CCDC177: variants seen among roughly 807,000 people sequenced by gnomAD.
CCDC177 encodes the protein coiled-coil domain-containing protein 177.
In CCDC177, 2 loss-of-function variants were observed where a neutral mutation model predicts 7.3. The observed-to-expected ratio is 0.28, with a 90% confidence interval of 0.11 to 0.87. The LOEUF is 0.87. Ranked by LOEUF, CCDC177 falls within the 40% of genes least tolerant of loss-of-function variation. CCDC177 has a pLI of 0.61. For synonymous variants in CCDC177, 401 were observed against 449.2 expected (o/e 0.89, Z 1.36); for missense variants, 874 against 970.5 (o/e 0.90, Z 1.32).
rs951970978 is a variant in CCDC177 at position 69,573,647 on chromosome 14, A to T, written c.-25T>A. 2.4e-6 allele frequency: 3 copies of T among 1,231,562 alleles called. No individual in the cohort carries two copies. In the African/African-American group the frequency reaches 4.7e-5, roughly 19 times the overall value. 76.3% of individuals were successfully genotyped at this position (1,231,562 alleles called of 1,614,324 possible). ...TGGCTGAGCCCCGTCCTTTGTTGGA[A>T]TCTCTGCAGATCACAAGGAGGGACA... On this transcript the variant is annotated 5_prime_UTR_variant, in exon 2 of 2. Coordinates refer to ENST00000599174, the MANE Select transcript of CCDC177 (RefSeq NM_001271507.2).
At position 69,572,706 on chromosome 14, in the gene CCDC177, C is replaced by A. The variant is rs1884355920; in HGVS notation, c.917G>T (p.Gly306Val). 4.1e-6 allele frequency: 5 copies of A among 1,231,474 alleles called. No individual in the cohort carries two copies. In the African/African-American group the frequency reaches 4.6e-5, roughly 11 times the overall value. 76.3% of individuals were successfully genotyped at this position (1,231,474 alleles called of 1,614,324 possible). A position where few individuals can be genotyped will look rare whatever the true frequency, so the allele number is the denominator to read the frequency against. Reference protein sequence around the residue: ...VPITGRSFSLGDLSHSPQTAQ... With the variant: ...VPITGRSFSLVDLSHSPQTAQ... ...GGTCTGCGGCGAATGGCTCAGGTCG[C>A]CGAGGCTGAAGCTGCGGCCGGTGAT... is the stretch of plus-strand genomic sequence containing the variant. Residue 306 changes from glycine (G) to valine (V), a missense_variant, in exon 2 of 2, where the codon GGC becomes GTC. Gly to Val is a moderately radical substitution (Grantham distance 109). Transcript: ENST00000599174.
At chr14:69,573,713 A>G (rs1884383699) in intron 1 of CCDC177, 63 bp from the exon 2 acceptor site, 2 of 1,209,452 alleles carry the variant, frequency 1.7e-6, no homozygotes, top group African/African-American at 1.6e-5. Context: ...CTCCTCATCC[A>G]TAGTCACCCC....
At position 69,570,939 on chromosome 14, in the gene CCDC177, A is replaced by T; in HGVS notation, c.*560T>A. ...AGGTGGCCGATTAAAAGGTCTAAAAAATCAACTGCTTTTTGGATCATTTGG... is the reference window on the plus strand; with the variant it reads ...AGGTGGCCGATTAAAAGGTCTAAAATATCAACTGCTTTTTGGATCATTTGG... On this transcript the variant is annotated 3_prime_UTR_variant, in exon 2 of 2. Coordinates refer to ENST00000599174, the MANE Select transcript of CCDC177 (RefSeq NM_001271507.2). 2.2e-6 allele frequency: 1 copy of T among 458,192 alleles called. No individual in the cohort carries two copies. Among genetic ancestry groups the T allele is most frequent in the Non-Finnish European group, 4.4e-6 (1 of 227,222 alleles). The allele number at this position is 458,192 out of a possible 1,614,324, so 28.4% of individuals were successfully genotyped here.
Position 69,573,110 on chromosome 14 carries a change from G to A in CCDC177, c.513C>T (p.Ala171=). ...CCGCGGCGGCGGCGGCGGCGGCGGC[G>A]GCCGCGGGGCTCAAAGGCGTGAAAA... ...RRLFTPLSPA[A]AAAAAAAAAS... Residue 171 remains alanine, a synonymous_variant, in exon 2 of 2, where the codon GCC becomes GCT. Transcript: ENST00000599174. 3.3e-6 allele frequency: 4 copies of A among 1,221,842 alleles called. No homozygotes were observed. The highest frequency in any genetic ancestry group is 4.1e-6 in the Non-Finnish European group (4 of 982,322). The allele number at this position is 1,221,842 out of a possible 1,614,324, so 75.7% of individuals were successfully genotyped here.
Position 69,573,106 on chromosome 14 carries a change from CGGCGG to C in CCDC177, c.512_516del (p.Ala171GlyfsTer39). 8.2e-7 allele frequency: 1 copy of C among 1,222,242 alleles called. No individual in the cohort carries two copies. The highest frequency in any genetic ancestry group is 1.6e-5 in the African/African-American group (1 of 63,788). 75.7% of individuals were successfully genotyped at this position (1,222,242 alleles called of 1,614,324 possible). A position where few individuals can be genotyped will look rare whatever the true frequency, so the allele number is the denominator to read the frequency against. Reference sequence around the variant, plus strand: ...GAGGCCGCGGCGGCGGCGGCGGCGGCGGCGGCCGCGGGGCTCAAAGGCGTGAAAAG... The same window carrying C: ...GAGGCCGCGGCGGCGGCGGCGGCGGCCCGCGGGGCTCAAAGGCGTGAAAAG... On this transcript the variant is annotated frameshift_variant, in exon 2 of 2. Coordinates refer to ENST00000599174, the MANE Select transcript of CCDC177 (RefSeq NM_001271507.2). LOFTEE classifies it low-confidence loss of function (END_TRUNC).
Position 69,572,391 on chromosome 14 carries a change from C to T in CCDC177, c.1232G>A (p.Arg411His), listed in dbSNP as rs2139564481. ...ERRGRRGREE[R>H]EAARRRQRQY... is the part of the protein sequence containing the mutation. The stretch of plus-strand genomic sequence containing the variant: ...CCGCTGCCGCCGCCGCGCCGCCTCG[C>T]GCTCTTCGCGGCCACGGCGGCCTCG... Residue 411 changes from arginine (R) to histidine (H), a missense_variant, in exon 2 of 2, where the codon CGC becomes CAC. Arg to His is a conservative substitution (Grantham distance 29). Coordinates refer to ENST00000599174, the MANE Select transcript of CCDC177 (RefSeq NM_001271507.2). 1 of 1,221,876 alleles carries T rather than the reference C, an allele frequency of 8.2e-7. No homozygotes were observed. The highest frequency in any genetic ancestry group is 1.0e-6 in the Non-Finnish European group (1 of 981,800). 75.7% of individuals were successfully genotyped at this position (1,221,876 alleles called of 1,614,324 possible). A position where few individuals can be genotyped will look rare whatever the true frequency, so the allele number is the denominator to read the frequency against.
In CCDC177 at chr14:69,572,298, C is replaced by T. The variant is rs1205492519; in HGVS notation, c.1325G>A (p.Arg442Gln). The T allele has an allele frequency of 8.1e-7, 1 of 1,228,024 alleles. No individual in the cohort carries two copies. The highest frequency in any genetic ancestry group is 1.0e-6 in the Non-Finnish European group (1 of 985,682). The allele number at this position is 1,228,024 out of a possible 1,614,324, so 76.1% of individuals were successfully genotyped here. The change falls in exon 2 of 2, where the codon CGG becomes CAG. Residue 442 changes from arginine (R) to glutamine (Q), a missense_variant. Transcript: ENST00000599174. ...AERQGLLRRE[R>Q]AERAAREDRL... ...ATCCTCCCGGGCCGCGCGCTCCGCCCGCTCCCGCCGCAGGAGGCCCTGGCG... is the reference window on the plus strand; with the variant it reads ...ATCCTCCCGGGCCGCGCGCTCCGCCTGCTCCCGCCGCAGGAGGCCCTGGCG...
At position 69,573,289 on chromosome 14, in the gene CCDC177, G is replaced by GC; in HGVS notation, c.333dup (p.Pro112AlafsTer24). The GC allele has an allele frequency of 8.1e-7, 1 of 1,231,548 alleles. No homozygotes were observed. Among genetic ancestry groups the GC allele is most frequent in the Non-Finnish European group, 1.0e-6 (1 of 987,844 alleles). 76.3% of individuals were successfully genotyped at this position (1,231,548 alleles called of 1,614,324 possible). On this transcript the variant is annotated frameshift_variant, in exon 2 of 2. Transcript: ENST00000599174. LOFTEE classifies it low-confidence loss of function (END_TRUNC). ...CGCACCAGGTCGGCCAGGGCCCGTG[G>GC]CAGCAGCTCCACCGGCTTGACCGCA... is the stretch of plus-strand genomic sequence containing the variant.
At position 69,573,536 on chromosome 14, in the gene CCDC177, A is replaced by G; in HGVS notation, c.87T>C (p.Pro29=). Reference sequence around the variant, plus strand: ...CGGGCTCCTGTGCGCCCTGGGAATCAGGGGGCACGGACGCCACGGCCTCGT... The same window carrying G: ...CGGGCTCCTGTGCGCCCTGGGAATCGGGGGGCACGGACGCCACGGCCTCGT... ...GGDEAVASVP[P]DSQGAQEPAA... is the part of the protein sequence containing the mutation. The change falls in exon 2 of 2, where the codon CCT becomes CCC. Residue 29 remains proline, a synonymous_variant. Coordinates refer to ENST00000599174, the MANE Select transcript of CCDC177 (RefSeq NM_001271507.2). 1 of 1,231,654 alleles carries G rather than the reference A, an allele frequency of 8.1e-7. No individual in the cohort carries two copies. Among genetic ancestry groups the G allele is most frequent in the Non-Finnish European group, 1.0e-6 (1 of 987,878 alleles). 76.3% of individuals were successfully genotyped at this position (1,231,654 alleles called of 1,614,324 possible).
chr14:69,573,414 G>C lies in CCDC177; in HGVS notation c.209C>G (p.Pro70Arg). 8.1e-7 allele frequency: 1 copy of C among 1,231,430 alleles called. No homozygotes were observed. Among genetic ancestry groups the C allele is most frequent in the Non-Finnish European group, 1.0e-6 (1 of 987,784 alleles). 76.3% of individuals were successfully genotyped at this position (1,231,430 alleles called of 1,614,324 possible). A position where few individuals can be genotyped will look rare whatever the true frequency, so the allele number is the denominator to read the frequency against. ...AAEGGRREQS[P>R]LLHLDLFNFD... is the part of the protein sequence containing the mutation. ...GTTGAAGAGGTCGAGGTGCAGCAGC[G>C]GGGACTGCTCCCGCCGCCCGCCTTC... The change falls in exon 2 of 2, where the codon CCG becomes CGG. Residue 70 changes from proline to arginine, a missense_variant. Transcript: ENST00000599174.
rs1216145279 is a variant in CCDC177 at position 69,572,876 on chromosome 14, G to T, written c.747C>A (p.Gly249=). The T allele has an allele frequency of 2.4e-6, 3 of 1,230,932 alleles. No individual in the cohort carries two copies. The East Asian group carries it at 9.5e-5, about 39-fold the overall frequency. The allele number at this position is 1,230,932 out of a possible 1,614,324, so 76.3% of individuals were successfully genotyped here. The part of the protein sequence containing the change: ...RREGALSSES[G]ASSSSYSGES... ...CCCCACTGTAGGATGACGACGATGC[G>T]CCCGACTCGGAGCTGAGGGCGCCCT... Residue 249 remains glycine, a synonymous_variant, in exon 2 of 2, where the codon GGC becomes GGA. Coordinates refer to ENST00000599174, the MANE Select transcript of CCDC177 (RefSeq NM_001271507.2).
Position 69,572,154 on chromosome 14 carries a change from T to G in CCDC177, c.1469A>C (p.Lys490Thr). 8.1e-7 allele frequency: 1 copy of G among 1,230,656 alleles called. No individual in the cohort carries two copies. The highest frequency in any genetic ancestry group is 1.0e-6 in the Non-Finnish European group (1 of 987,344). The allele number at this position is 1,230,656 out of a possible 1,614,324, so 76.2% of individuals were successfully genotyped here. The change falls in exon 2 of 2, where the codon AAG (lysine) becomes ACG (threonine). Residue 490 changes from lysine (K) to threonine (T), a missense_variant. Lys to Thr is a moderately conservative substitution (Grantham distance 78). Coordinates refer to ENST00000599174, the MANE Select transcript of CCDC177 (RefSeq NM_001271507.2). ...CTGCAGCTGGCCCTCCTGCCGCTGC[T>G]TGGCGCGGGCCGCGCGCTGGGCGCG... ...RERAQRAARA[K>T]QRQEGQLQRE...
chr14:69,572,232 C>T lies in CCDC177; in HGVS notation c.1391G>A (p.Arg464His), dbSNP rs991039345. The T allele has an allele frequency of 9.6e-5, 118 of 1,229,424 alleles. No individual in the cohort carries two copies. Among genetic ancestry groups the T allele is most frequent in the Non-Finnish European group, 1.2e-4 (115 of 986,632 alleles). 76.2% of individuals were successfully genotyped at this position (1,229,424 alleles called of 1,614,324 possible). A position where few individuals can be genotyped will look rare whatever the true frequency, so the allele number is the denominator to read the frequency against. ...CCGCCCTTCCTGTAGACCTTCCTCA[C>T]GTTGCTTCAGGTTCTGCTCCTGCTG... is the stretch of plus-strand genomic sequence containing the variant. ...KLQQEQNLKQ[R>H]EEGLQEGRER... Residue 464 changes from arginine (R) to histidine (H), a missense_variant, in exon 2 of 2, where the codon CGT (arginine) becomes CAT (histidine). By Grantham distance (29) the Arg-to-His change is conservative. Transcript: ENST00000599174.
chr14:69,573,316 A>G lies in CCDC177; in HGVS notation c.307T>C (p.Cys103Arg). Residue 103 changes from cysteine to arginine, a missense_variant, in exon 2 of 2, where the codon TGT (cysteine) becomes CGT (arginine). Coordinates refer to ENST00000599174, the MANE Select transcript of CCDC177 (RefSeq NM_001271507.2). ...AGCAGCTCCACCGGCTTGACCGCACAGCGGGCGCAGGCCTCTAGCGAGCGG... is the reference window on the plus strand; with the variant it reads ...AGCAGCTCCACCGGCTTGACCGCACGGCGGGCGCAGGCCTCTAGCGAGCGG... ...SPRSLEACARCAVKPVELLPR... is the reference protein window; with the variant it reads ...SPRSLEACARRAVKPVELLPR... 8.1e-7 allele frequency: 1 copy of G among 1,231,324 alleles called. No homozygotes were observed. Among genetic ancestry groups the G allele is most frequent in the Non-Finnish European group, 1.0e-6 (1 of 987,704 alleles). The allele number at this position is 1,231,324 out of a possible 1,614,324, so 76.3% of individuals were successfully genotyped here.
At position 69,571,732 on chromosome 14, in the gene CCDC177, T is replaced by C; in HGVS notation, c.1891A>G (p.Lys631Glu). 8.1e-7 allele frequency: 1 copy of C among 1,231,510 alleles called. No homozygotes were observed. The highest frequency in any genetic ancestry group is 3.2e-5 in the East Asian group (1 of 31,646). 76.3% of individuals were successfully genotyped at this position (1,231,510 alleles called of 1,614,324 possible). A position where few individuals can be genotyped will look rare whatever the true frequency, so the allele number is the denominator to read the frequency against. The change falls in exon 2 of 2, where the codon AAG (lysine) becomes GAG (glutamate). Residue 631 changes from lysine to glutamate, a missense_variant. Coordinates refer to ENST00000599174, the MANE Select transcript of CCDC177 (RefSeq NM_001271507.2). ...KERAQRANKE[K>E]VERDEDCRRR... ...CGGCAGTCTTCGTCCCTCTCCACCT[T>C]CTCCTTGTTGGCGCGCTGGGCTCGT...
At position 69,571,940 on chromosome 14, in the gene CCDC177, C is replaced by G. The variant is rs1371176688; in HGVS notation, c.1683G>C (p.Arg561=). The G allele has an allele frequency of 1.1e-5, 14 of 1,232,234 alleles. No individual in the cohort carries two copies. The highest frequency in any genetic ancestry group is 1.4e-5 in the Non-Finnish European group (14 of 988,532). 76.3% of individuals were successfully genotyped at this position (1,232,234 alleles called of 1,614,324 possible). ...QRTRELRERA[R]REELQGRRAK... ...CCCGCCGACCCTGCAGCTCCTCTCG[C>G]CGGGCCCGCTCCCGCAGCTCCCGGG... The change falls in exon 2 of 2, where the codon CGG becomes CGC. Residue 561 remains arginine (R), a synonymous_variant. Coordinates refer to ENST00000599174, the MANE Select transcript of CCDC177 (RefSeq NM_001271507.2).
chr14:69,573,275 G>A lies in CCDC177; in HGVS notation c.348C>T (p.Ala116=), dbSNP rs1884374010. Residue 116 remains alanine (A), a synonymous_variant, in exon 2 of 2, where the codon GCC becomes GCT. Coordinates refer to ENST00000599174, the MANE Select transcript of CCDC177 (RefSeq NM_001271507.2). ...KPVELLPRAL[A]DLVREAPGRS... ...GGCCCGGAGCCTCTCGCACCAGGTCGGCCAGGGCCCGTGGCAGCAGCTCCA... is the reference window on the plus strand; with the variant it reads ...GGCCCGGAGCCTCTCGCACCAGGTCAGCCAGGGCCCGTGGCAGCAGCTCCA... 1.6e-6 allele frequency: 2 copies of A among 1,231,400 alleles called. No individual in the cohort carries two copies. The highest frequency in any genetic ancestry group is 4.1e-5 in the South Asian group (1 of 24,320). The allele number at this position is 1,231,400 out of a possible 1,614,324, so 76.3% of individuals were successfully genotyped here. A position where few individuals can be genotyped will look rare whatever the true frequency, so the allele number is the denominator to read the frequency against.
At position 69,571,540 on chromosome 14, in the gene CCDC177, C is replaced by G; in HGVS notation, c.2083G>C (p.Val695Leu). Residue 695 changes from valine to leucine, a missense_variant, in exon 2 of 2, where the codon GTG (valine) becomes CTG (leucine). Val to Leu is a conservative substitution (Grantham distance 32, BLOSUM62 1). Coordinates refer to ENST00000599174, the MANE Select transcript of CCDC177 (RefSeq NM_001271507.2). ...ETNTRSFDRM[V>L]REAQLHASLD... ...CTGGCGTGTAGCTGGGCCTCCCGCA[C>G]CATGCGGTCGAAGGATCGCGTGTTG... is the stretch of plus-strand genomic sequence containing the variant. The G allele has an allele frequency of 8.1e-7, 1 of 1,239,736 alleles. No homozygotes were observed. Among genetic ancestry groups the G allele is most frequent in the Non-Finnish European group, 1.0e-6 (1 of 992,070 alleles). The allele number at this position is 1,239,736 out of a possible 1,614,324, so 76.8% of individuals were successfully genotyped here. A position where few individuals can be genotyped will look rare whatever the true frequency, so the allele number is the denominator to read the frequency against.
At chr14:69,574,386 G>T (rs551296727) in intron 1 of CCDC177, among the ~76,000 whole-genome samples, 156 bp downstream of exon 1, 1 of 152,348 alleles carries the variant, frequency 6.6e-6, no homozygotes, top group African/African-American at 2.4e-5. Context: ...GTCTGAATGT[G>T]CTAAAGATAC....
Sources: gnomAD v4.1 joint callset for allele counts (sites outside exome capture counted in the v4.1 genomes callset) on GRCh38, gnomAD v4.1.1 for gene constraint, MANE v1.5 for transcripts, NCBI Gene and HGNC (gene_info 2026-07-23, HGNC 2026-07-21) for gene names.